SLC14A2: variants seen among roughly 807,000 people sequenced by gnomAD.
The protein encoded by SLC14A2 is urea transporter 2.
A neutral mutation model predicts 104.6 loss-of-function variants in SLC14A2; 91 were observed. The ratio of observed to expected loss-of-function variants is 0.87; its 90% CI spans 0.73 to 1.04. The LOEUF is 1.04. SLC14A2 is among the 50% of genes least tolerant of loss of function. The probability of loss-of-function intolerance (pLI) is 0.00; values close to 1 mark genes in which losing one functional copy is unlikely to be tolerated. For synonymous variants in SLC14A2, 476 were observed against 466.4 expected (o/e 1.02, Z -0.27); for missense variants, 1,189 against 1,156.0 (o/e 1.03, Z -0.41).
At chr18:45,285,047 A>C (rs2084799778) in intron 1 of SLC14A2, among the ~76,000 whole-genome samples, 3 of 152,092 alleles carry the variant, frequency 2.0e-5, no homozygotes, top group Admixed American at 2.0e-4. Context: ...AAAAAATTGC[A>C]AAATTAGTAT....
chr18:45,541,827 A>G (rs1210845919), intron 2 of SLC14A2, among the ~76,000 whole-genome samples: 1 of 152,098 alleles, frequency 6.6e-6, no homozygotes, highest in African/African-American at 2.4e-5. Context: ...CATGAGATAT[A>G]ATTTCCAGAT....
intron 2 of SLC14A2, among the ~76,000 whole-genome samples, chr18:45,543,534 A>G (rs1180129112): frequency 6.6e-6 from 1 of 152,190 alleles, no homozygotes; most frequent in East Asian, 1.9e-4. Context: ...TGTCCTTTGG[A>G]AAGTACTGGA....
upstream of SLC14A2, among the ~76,000 whole-genome samples, chr18:45,211,356 C>T (rs1196350258): frequency 2.0e-5 from 3 of 152,138 alleles, no homozygotes; most frequent in African/African-American, 7.2e-5. Context: ...GAAAACTAAC[C>T]AATCTTAGAC....
chr18:45,402,009 G>A (rs919672153), intron 1 of SLC14A2, among the ~76,000 whole-genome samples: 5 of 152,150 alleles, frequency 3.3e-5, no homozygotes, highest in African/African-American at 1.2e-4. Flanking sequence ...GTGAATATTT[G>A]GATTAAGAGT....
chr18:45,650,956 C>G (rs2045727320), intron 10 of SLC14A2, among the ~76,000 whole-genome samples: 1 of 151,980 alleles, frequency 6.6e-6, no homozygotes, highest in African/African-American at 2.4e-5. Context: ...CCGGGCTGGT[C>G]TTGAGCTCCT....
Position 45,241,686 on chromosome 18 carries a change from C to T in SLC14A2, c.-125+28495C>T, listed in dbSNP as rs143351248. Among the ~76,000 whole-genome samples the T allele has an allele frequency of 3.9e-3, 564 of 145,302 alleles. 3 individuals carry two copies. Among genetic ancestry groups the T allele is most frequent in the Non-Finnish European group, 6.3e-3 (422 of 66,998 alleles). ...GAAATGGAGTTTCACTCTTGTTGCC[C>T]AGGCTGGAATGCAATGGCACAATCT... On this transcript the variant is annotated intron_variant, in intron 1 of 20. Transcript: ENST00000586448.
intron 16 of SLC14A2, 29 bp from the exon 17 acceptor site, chr18:45,672,871 A>T: frequency 6.3e-7 from 1 of 1,599,874 alleles, no homozygotes; most frequent in Non-Finnish European, 8.5e-7. Context: ...TGCCTCCATA[A>T]TGAGCATGTA....
intron 2 of SLC14A2, among the ~76,000 whole-genome samples, chr18:45,543,399 C>A (rs1568268973): frequency 6.6e-6 from 1 of 151,990 alleles, no homozygotes; most frequent in Non-Finnish European, 1.5e-5. Flanking sequence ...TAGAAGCCAG[C>A]TAACTCAGTT....
At chr18:45,224,758 A>G (rs138893568) in intron 1 of SLC14A2, among the ~76,000 whole-genome samples, 1 of 152,332 alleles carries the variant, frequency 6.6e-6, no homozygotes, top group African/African-American at 2.4e-5. Context: ...AAGTTCATAC[A>G]GCTAGTAAGT....
At chr18:45,372,863 T>G (rs1486067215) in intron 1 of SLC14A2, among the ~76,000 whole-genome samples, 1 of 152,256 alleles carries the variant, frequency 6.6e-6, no homozygotes, top group African/African-American at 2.4e-5. Flanking sequence ...AATATGTATA[T>G]AATGTTATTT....
chr18:45,177,801 C>G, the SLC14A2 span, among the ~76,000 whole-genome samples: 1 of 152,124 alleles, frequency 6.6e-6, no homozygotes, highest in Non-Finnish European at 1.5e-5. Context: ...AGTAGACATG[C>G]AATTCATAGT....
At chr18:45,625,484 T>C (rs2045242349) in intron 2 of SLC14A2, among the ~76,000 whole-genome samples, 199 bp from the exon 3 acceptor site, 1 of 152,182 alleles carries the variant, frequency 6.6e-6, no homozygotes, top group Non-Finnish European at 1.5e-5. Flanking sequence ...GAAATCCTGC[T>C]GTGAAGAAGG....
At chr18:45,234,169 G>C (rs1283162906) in intron 1 of SLC14A2, among the ~76,000 whole-genome samples, 1 of 152,134 alleles carries the variant, frequency 6.6e-6, no homozygotes, top group Admixed American at 6.5e-5. Flanking sequence ...CATTCAAGAA[G>C]CTCACTGGAA....
intron 1 of SLC14A2, among the ~76,000 whole-genome samples, chr18:45,436,384 G>A (rs1020616017): frequency 5.3e-5 from 8 of 152,142 alleles, no homozygotes; most frequent in Non-Finnish European, 8.8e-5. Context: ...TAGGGCAACA[G>A]TAATGGTAAT....
chr18:45,574,516 A>T (rs892706470), intron 2 of SLC14A2, among the ~76,000 whole-genome samples: 1 of 152,026 alleles, frequency 6.6e-6, no homozygotes, highest in Non-Finnish European at 1.5e-5. Flanking sequence ...CTGGAGAAAG[A>T]CTCAGCTCTC....
intron 1 of SLC14A2, among the ~76,000 whole-genome samples, chr18:45,306,410 G>A (rs373948655): frequency 6.6e-6 from 1 of 152,098 alleles, no homozygotes; most frequent in East Asian, 1.9e-4. Flanking sequence ...AAGGTCTGAG[G>A]GTGCAGGAGC....
intron 1 of SLC14A2, among the ~76,000 whole-genome samples, chr18:45,255,698 A>T (rs994845111): frequency 1.3e-5 from 2 of 152,182 alleles, no homozygotes; most frequent in African/African-American, 4.8e-5. Flanking sequence ...CACGACTGAC[A>T]TTCCACAGGT....
intron 1 of SLC14A2, among the ~76,000 whole-genome samples, chr18:45,245,323 T>C (rs561175304): frequency 6.6e-6 from 1 of 152,316 alleles, no homozygotes; most frequent in African/African-American, 2.4e-5. Flanking sequence ...TCCCTAGGAC[T>C]TCATGGCAGC....
intron 2 of SLC14A2, among the ~76,000 whole-genome samples, chr18:45,511,708 G>A (rs945571699): frequency 2.0e-5 from 3 of 152,280 alleles, no homozygotes. Flanking sequence ...TACATACAAA[G>A]GGAAGAGGAA....
Sources: gnomAD v4.1 joint callset for allele counts (sites outside exome capture counted in the v4.1 genomes callset) on GRCh38, gnomAD v4.1.1 for gene constraint, MANE v1.5 for transcripts, NCBI Gene and HGNC (gene_info 2026-07-23, HGNC 2026-07-21) for gene names.